CNTFR: variants seen among roughly 807,000 people sequenced by gnomAD.
CNTFR encodes the protein ciliary neurotrophic factor receptor.
In CNTFR, 12 loss-of-function variants were observed where a neutral mutation model predicts 40.4. The observed-to-expected ratio is 0.30, with a 90% CI of 0.19 to 0.48. The LOEUF (loss-of-function observed/expected upper bound fraction) is 0.48, where lower values mean the gene tolerates loss of function less well. Among genes scored for constraint, CNTFR ranks in the 20% least tolerant of loss-of-function variants. The probability of loss-of-function intolerance (pLI) is 0.99; values close to 1 mark genes in which losing one functional copy is unlikely to be tolerated. For missense variants in CNTFR, 414 were observed against 506.8 expected (o/e 0.82, Z 1.76); for synonymous variants, 202 against 209.6 (o/e 0.96, Z 0.31).
chr9:34,556,255 A>G lies in CNTFR; in HGVS notation c.768T>C (p.His256=), dbSNP rs1825831056. The G allele has an allele frequency of 1.2e-6, 2 of 1,610,708 alleles. No homozygotes were observed. The highest frequency in any genetic ancestry group is 3.4e-5 in the Admixed American group (2 of 59,078). ...YRPLILDQWQ[H]VELSDGTAHT... Reference sequence around the variant, plus strand: ...GATCTTGGCCGGGCAGGGCACTCACATGCTGCCACTGGTCCAGGATGAGGG... The same window carrying G: ...GATCTTGGCCGGGCAGGGCACTCACGTGCTGCCACTGGTCCAGGATGAGGG... The change falls in exon 7 of 10, where the codon CAT becomes CAC. Residue 256 remains histidine (H), a splice_region_variant and synonymous_variant. Transcript: ENST00000378980.
At chr9:34,573,552 TC>T (rs1826786954) in intron 2 of CNTFR, among the ~76,000 whole-genome samples, 3 of 151,794 alleles carry the variant, frequency 2.0e-5, no homozygotes, top group East Asian at 3.9e-4. Context: ...CCGGATGGAC[TC>T]CCCCCATTGC....
chr9:34,581,910 T>C (rs1402124188), intron 1 of CNTFR, among the ~76,000 whole-genome samples: 1 of 152,230 alleles, frequency 6.6e-6, no homozygotes, highest in Non-Finnish European at 1.5e-5. Flanking sequence ...AGGTATCACT[T>C]GTTCAGGGTC....
chr9:34,576,544 G>C (rs1180587092), intron 2 of CNTFR, among the ~76,000 whole-genome samples: 1 of 152,178 alleles, frequency 6.6e-6, no homozygotes, highest in Non-Finnish European at 1.5e-5. Flanking sequence ...GGGATGCCTA[G>C]GGCAGGAAAG....
intron 3 of CNTFR, among the ~76,000 whole-genome samples, chr9:34,566,259 G>A (rs538835152): frequency 1.3e-5 from 2 of 152,142 alleles, no homozygotes; most frequent in South Asian, 2.1e-4. Context: ...CTGTGACTCC[G>A]GGTCTCTCTC....
rs750639498 is a variant in CNTFR at position 34,552,843 on chromosome 9, G to T, written c.780C>A (p.Ser260=). The T allele has an allele frequency of 6.2e-7, 1 of 1,611,550 alleles. No individual in the cohort carries two copies. Among genetic ancestry groups the T allele is most frequent in the South Asian group, 1.1e-5 (1 of 90,998 alleles). The change falls in exon 8 of 10, where the codon TCC becomes TCA. Residue 260 remains serine (S), a synonymous_variant. Transcript: ENST00000378980. This position sits in a 1 kb window ranked among gnomAD's most constrained non-coding sequence, Gnocchi z 5.1. ...ILDQWQHVEL[S]DGTAHTITDA... ...CTGTGATGGTGTGTGCTGTGCCGTC[G>T]GACAGCTCCACCTGCAGCCAGACCA...
Position 34,552,933 on chromosome 9 carries a change from T to C in CNTFR, c.769-79A>G. 6.9e-7 allele frequency: 1 copy of C among 1,450,986 alleles called. No homozygotes were observed. 89.9% of individuals were successfully genotyped at this position (1,450,986 alleles called of 1,614,324 possible). ...GAGGTCCCTCCAGAGGAAGTGAGCA[T>C]GCCTCTGAGGAGAGGAGAGTAAAGG... On this transcript the variant is annotated intron_variant, in intron 7 of 9. Transcript: ENST00000378980. This position sits in a 1 kb window ranked among gnomAD's most constrained non-coding sequence, Gnocchi z 5.1.
rs753549690 is a variant in CNTFR at position 34,589,345 on chromosome 9, C to T, written c.-112+210G>A. 6.6e-6 allele frequency among the ~76,000 whole-genome samples: 1 copy of T among 152,148 alleles called. No individual in the cohort carries two copies. Among genetic ancestry groups the T allele is most frequent in the Non-Finnish European group, 1.5e-5 (1 of 68,002 alleles). On this transcript the variant is annotated intron_variant, in intron 1 of 9. Transcript: ENST00000378980. This position sits in a 1 kb window ranked among gnomAD's most constrained non-coding sequence, Gnocchi z 4.4. ...GCCCCACCACCACCACCACGCCCAACCCCCGGAGCGCCCGGACGTGGGGGG... is the reference window on the plus strand; with the variant it reads ...GCCCCACCACCACCACCACGCCCAATCCCCGGAGCGCCCGGACGTGGGGGG...
chr9:34,556,532 TAGTC>T, intron 6 of CNTFR, 114 bp from the exon 7 acceptor site: 2 of 1,019,466 alleles, frequency 2.0e-6, no homozygotes, highest in Non-Finnish European at 2.9e-6. Flanking sequence ...ATCAACATCA[TAGTC>T]AGCGTGCCTC....
At chr9:34,581,665 G>A (rs1314429257) in intron 1 of CNTFR, among the ~76,000 whole-genome samples, 1 of 152,178 alleles carries the variant, frequency 6.6e-6, no homozygotes, top group Admixed American at 6.5e-5. Flanking sequence ...CACTTTATAT[G>A]CATTATCTTA....
At position 34,578,804 on chromosome 9, in the gene CNTFR, G is replaced by A. The variant is rs183181001; in HGVS notation, c.-1+2291C>T. On this transcript the variant is annotated intron_variant, in intron 2 of 9. Coordinates refer to ENST00000378980, the MANE Select transcript of CNTFR (RefSeq NM_147164.3). Reference sequence around the variant, plus strand: ...TATTCCCCAAGTTACTTCCAGTGCTGGGAATTTGGGGGAATCTGGAAACTG... The same window carrying A: ...TATTCCCCAAGTTACTTCCAGTGCTAGGAATTTGGGGGAATCTGGAAACTG... Among the ~76,000 whole-genome samples the A allele has an allele frequency of 6.6e-5, 10 of 152,316 alleles. No individual in the cohort carries two copies. In the East Asian group the frequency reaches 1.9e-3, roughly 29 times the overall value.
intron 4 of CNTFR, among the ~76,000 whole-genome samples, chr9:34,561,623 G>A (rs1332347112): frequency 1.3e-5 from 2 of 152,194 alleles, no homozygotes; most frequent in South Asian, 2.1e-4. Context: ...ATACTGTTAA[G>A]ACCAAGTTCC....
chr9:34,567,458 C>T (rs1826360267), intron 3 of CNTFR, among the ~76,000 whole-genome samples: 1 of 152,122 alleles, frequency 6.6e-6, no homozygotes, highest in Non-Finnish European at 1.5e-5. Context: ...ACATGCAGGA[C>T]AGTCATCCAC....
At chr9:34,578,059 G>T (rs1311432224) in intron 2 of CNTFR, among the ~76,000 whole-genome samples, 2 of 151,760 alleles carry the variant, frequency 1.3e-5, no homozygotes, top group African/African-American at 4.8e-5. Context: ...GGCGCTCCGT[G>T]GGTCCGCCTG....
chr9:34,565,785 A>G (rs1465114378), intron 3 of CNTFR, among the ~76,000 whole-genome samples: 1 of 152,176 alleles, frequency 6.6e-6, no homozygotes, highest in African/African-American at 2.4e-5. Context: ...GCAGAGAGAC[A>G]GATTTAAGAT....
intron 3 of CNTFR, among the ~76,000 whole-genome samples, chr9:34,566,168 C>T (rs1272510141): frequency 1.3e-5 from 2 of 152,072 alleles, no homozygotes; most frequent in Non-Finnish European, 2.9e-5. Context: ...TTGCAGCCCC[C>T]TCCTCAGCCC....
chr9:34,560,355 G>A (rs1826020192), intron 4 of CNTFR, among the ~76,000 whole-genome samples: 1 of 152,198 alleles, frequency 6.6e-6, no homozygotes, highest in Non-Finnish European at 1.5e-5. Flanking sequence ...GTAACTGTAG[G>A]ATGGGAGGCT....
At chr9:34,572,702 T>C (rs537533657) in intron 2 of CNTFR, among the ~76,000 whole-genome samples, 3 of 152,278 alleles carry the variant, frequency 2.0e-5, no homozygotes, top group African/African-American at 7.2e-5. Flanking sequence ...CATTACACAA[T>C]GATAACAACA....
At chr9:34,567,202 A>T (rs3802428) in intron 3 of CNTFR, among the ~76,000 whole-genome samples, 2 of 151,968 alleles carry the variant, frequency 1.3e-5, no homozygotes, top group Non-Finnish European at 2.9e-5. Context: ...TTGGCCCTGA[A>T]GCGGTGACAA....
intron 1 of CNTFR, among the ~76,000 whole-genome samples, chr9:34,588,256 C>T (rs1827623303): frequency 1.3e-5 from 2 of 152,144 alleles, no homozygotes; most frequent in African/African-American, 4.8e-5. Context: ...CCTTCTAGCC[C>T]CCAAGTCATT....
Sources: allele counts gnomAD v4.1 joint callset (sites outside exome capture counted in the v4.1 genomes callset), GRCh38; gene constraint gnomAD v4.1.1; non-coding constraint Gnocchi (gnomAD v3.1); transcripts MANE v1.5; gene names NCBI Gene and HGNC (gene_info 2026-07-23, HGNC 2026-07-21).